Variants in PRKCE observed in about 807,000 individuals in gnomAD.
The protein encoded by PRKCE is protein kinase C epsilon.
A neutral mutation model predicts 85.4 loss-of-function variants in PRKCE; 16 were observed. That is an observed-to-expected ratio of 0.19 (90% confidence interval 0.13 to 0.28). The LOEUF is 0.28. Ranked by LOEUF, PRKCE falls within the 10% of genes least tolerant of loss-of-function variation. The probability of loss-of-function intolerance (pLI) is 1.00; values close to 1 mark genes in which losing one functional copy is unlikely to be tolerated. For missense variants in PRKCE, 573 were observed against 975.2 expected, an observed-to-expected ratio of 0.59 and a Z score of 5.49; for synonymous variants, 388 against 371.5, an observed-to-expected ratio of 1.04 and a Z score of -0.51.
chr2:46,119,950 C>T (rs1673152517), intron 11 of PRKCE, among the ~76,000 whole-genome samples: 1 of 152,094 alleles, frequency 6.6e-6, no homozygotes. Flanking sequence ...TTTTAGTTGG[C>T]GGGTACCCTG....
At chr2:46,140,841 A>G (rs1675444064) in intron 11 of PRKCE, among the ~76,000 whole-genome samples, 2 of 152,168 alleles carry the variant, frequency 1.3e-5, no homozygotes, top group South Asian at 4.1e-4. Context: ...TCGATAAAAA[A>G]CAAACACCAC....
chr2:45,965,373 A>G (rs775661742), intron 2 of PRKCE, among the ~76,000 whole-genome samples: 18 of 152,242 alleles, frequency 1.2e-4, no homozygotes, highest in Non-Finnish European at 2.2e-4. Context: ...TTTGATTTTT[A>G]GTACCTGGTT....
intron 10 of PRKCE, among the ~76,000 whole-genome samples, chr2:46,051,574 C>G (rs1351472446): frequency 6.6e-6 from 1 of 152,174 alleles, no homozygotes. Flanking sequence ...GAATCTAGCA[C>G]CCGCTTTGAA....
intron 1 of PRKCE, among the ~76,000 whole-genome samples, chr2:45,681,974 T>C (rs1676942505): frequency 6.6e-6 from 1 of 152,214 alleles, no homozygotes; most frequent in African/African-American, 2.4e-5. Context: ...AGACTCAGGG[T>C]TCTCCTCGCC....
At chr2:46,134,928 G>A (rs1458508535) in intron 11 of PRKCE, among the ~76,000 whole-genome samples, 2 of 152,224 alleles carry the variant, frequency 1.3e-5, no homozygotes, top group African/African-American at 4.8e-5. Context: ...GGATAAGAAT[G>A]TACTTTCATT....
rs559931675 is a variant in PRKCE, at chr2:46,041,874, C to T, written c.1437+31357C>T. ...ATGTTAACATGTCGGCTTGAATACT[C>T]TTATTTTCCACACTGGAAACTTACC... On this transcript the variant is annotated intron_variant, in intron 10 of 14. Transcript: ENST00000306156. The surrounding 1 kb of genome is among the most constrained non-coding windows in gnomAD (Gnocchi z 5.5). Among the ~76,000 whole-genome samples the T allele has an allele frequency of 5.9e-5, 9 of 152,308 alleles. No individual in the cohort carries two copies. In the South Asian group the frequency reaches 8.3e-4, roughly 14 times the overall value.
At chr2:46,177,968 A>T (rs866792814) in intron 14 of PRKCE, among the ~76,000 whole-genome samples, 4 of 151,280 alleles carry the variant, frequency 2.6e-5, no homozygotes, top group Non-Finnish European at 2.9e-5. Context: ...ATATGGATTT[A>T]AAAAAAAATG....
At chr2:45,715,524 C>G (rs1345887473) in intron 1 of PRKCE, among the ~76,000 whole-genome samples, 1 of 152,208 alleles carries the variant, frequency 6.6e-6, no homozygotes, top group Non-Finnish European at 1.5e-5. Context: ...CAGTGTCCTT[C>G]ATTGTCACAG....
At chr2:45,904,608 A>C (rs1696831970) in intron 2 of PRKCE, among the ~76,000 whole-genome samples, 1 of 152,152 alleles carries the variant, frequency 6.6e-6, no homozygotes, top group Non-Finnish European at 1.5e-5. Context: ...TCTTAGCTCC[A>C]TGTGCGTTGA....
intron 2 of PRKCE, among the ~76,000 whole-genome samples, chr2:45,912,964 A>G (rs373261303): frequency 6.6e-6 from 1 of 152,136 alleles, no homozygotes; most frequent in African/African-American, 2.4e-5. Context: ...CCATAGTGAC[A>G]TTATCAAAAA....
intron 1 of PRKCE, among the ~76,000 whole-genome samples, chr2:45,819,089 G>A (rs777890394): frequency 1.1e-4 from 16 of 152,148 alleles, no homozygotes; most frequent in Non-Finnish European, 2.2e-4. Context: ...GAGAGGAGTA[G>A]GTATATTAAT....
At chr2:45,877,688 G>C (rs1168260985) in intron 2 of PRKCE, among the ~76,000 whole-genome samples, 1 of 152,176 alleles carries the variant, frequency 6.6e-6, no homozygotes, top group Non-Finnish European at 1.5e-5. Context: ...TTCATAGTCT[G>C]ATAATGCCAA....
At chr2:46,148,361 A>T (rs544083292) in intron 12 of PRKCE, among the ~76,000 whole-genome samples, 8 of 152,362 alleles carry the variant, frequency 5.3e-5, no homozygotes, top group Non-Finnish European at 1.0e-4. Context: ...GCCTAAAAGG[A>T]ATCTTACAAA....
intron 2 of PRKCE, among the ~76,000 whole-genome samples, chr2:45,941,044 T>A (rs1195495007): frequency 9.9e-6 from 1 of 100,570 alleles, no homozygotes; most frequent in African/African-American, 3.8e-5. Context: ...CCAGCCTGGG[T>A]GACAGAGTGA....
chr2:46,055,369 C>T (rs1317747549), intron 10 of PRKCE, among the ~76,000 whole-genome samples: 1 of 152,196 alleles, frequency 6.6e-6, no homozygotes, highest in African/African-American at 2.4e-5. Flanking sequence ...GGAGTCTGCC[C>T]CTGCCAGCAC....
At chr2:45,657,340 C>T (rs1319710547) in intron 1 of PRKCE, among the ~76,000 whole-genome samples, 3 of 152,140 alleles carry the variant, frequency 2.0e-5, no homozygotes, top group Non-Finnish European at 2.9e-5. Context: ...TGACCTTTAG[C>T]GAGTGACTTA....
intron 1 of PRKCE, among the ~76,000 whole-genome samples, chr2:45,744,276 G>T (rs1039912351): frequency 6.6e-6 from 1 of 152,174 alleles, no homozygotes; most frequent in Admixed American, 6.5e-5. Flanking sequence ...GGACTATCAA[G>T]TAGAGTGTGT....
At chr2:46,141,808 C>G (rs1675560998) in intron 11 of PRKCE, among the ~76,000 whole-genome samples, 1 of 152,120 alleles carries the variant, frequency 6.6e-6, no homozygotes. Flanking sequence ...CTTTGCAAAG[C>G]CGTCAGTCTC....
rs35237762 is a variant in PRKCE, at chr2:45,987,811, A to G, written c.823+3131A>G. Among the ~76,000 whole-genome samples, 442 of 152,328 alleles carry G rather than the reference A, an allele frequency of 2.9e-3. 4 individuals are homozygous for G. The highest frequency in any genetic ancestry group is 4.7e-3 in the Non-Finnish European group (317 of 68,018). On this transcript the variant is annotated intron_variant, in intron 6 of 14. Transcript: ENST00000306156. ...CCTGGAAAATTGCCTGCTTCCACTT[A>G]TCTCTTTAGATCCTTTCTCCTCCTT...
Sources: gnomAD v4.1 joint callset for allele counts (sites outside exome capture counted in the v4.1 genomes callset) on GRCh38, gnomAD v4.1.1 for gene constraint, Gnocchi (gnomAD v3.1) non-coding constraint, MANE v1.5 for transcripts, NCBI Gene and HGNC (gene_info 2026-07-23, HGNC 2026-07-21) for gene names.